Variants in NTN1 observed in about 807,000 individuals in gnomAD.
NTN1 encodes the protein netrin-1.
In NTN1, 11 loss-of-function variants were observed where a neutral mutation model predicts 54.2. That is an observed-to-expected ratio of 0.20 (90% CI 0.13 to 0.34). The LOEUF is 0.34. Among genes scored for constraint, NTN1 ranks in the 10% least tolerant of loss-of-function variants. The pLI is 1.00. For missense variants in NTN1, 740 were observed against 893.1 expected (o/e 0.83, Z 2.18); for synonymous variants, 371 against 382.0 (o/e 0.97, Z 0.33).
At chr17:9,078,880 C>T (rs1395035886) in intron 2 of NTN1, among the ~76,000 whole-genome samples, 1 of 152,246 alleles carries the variant, frequency 6.6e-6, no homozygotes, top group Admixed American at 6.5e-5. Context: ...CAGAGTTCAG[C>T]CCCCTTTCTA....
At chr17:9,075,343 A>G (rs543170907) in intron 2 of NTN1, among the ~76,000 whole-genome samples, 231 of 152,160 alleles carry the variant, frequency 1.5e-3, no homozygotes, top group Middle Eastern at 3.4e-3. Flanking sequence ...TTAGCTGGGC[A>G]TGGCGGTGGG....
chr17:9,026,863 T>C (rs1474086882), intron 2 of NTN1, among the ~76,000 whole-genome samples: 1 of 152,138 alleles, frequency 6.6e-6, no homozygotes, highest in Non-Finnish European at 1.5e-5. Context: ...TGAAAACTTG[T>C]TTTGCGACTC....
At chr17:9,028,824 G>C (rs576743479) in intron 2 of NTN1, among the ~76,000 whole-genome samples, 1 of 152,060 alleles carries the variant, frequency 6.6e-6, no homozygotes, top group Non-Finnish European at 1.5e-5. Context: ...TGGCTTCTAC[G>C]GTGTCTGCAA....
intron 5 of NTN1, among the ~76,000 whole-genome samples, chr17:9,190,032 A>G (rs975220576): frequency 4.6e-5 from 7 of 152,244 alleles, no homozygotes; most frequent in Non-Finnish European, 5.9e-5. Flanking sequence ...GAAGATTGTT[A>G]GAACTAATAA....
At chr17:9,224,873 G>A (rs1320388074) in intron 6 of NTN1, among the ~76,000 whole-genome samples, 1 of 152,138 alleles carries the variant, frequency 6.6e-6, no homozygotes, top group African/African-American at 2.4e-5. Flanking sequence ...TAGCTTTCAT[G>A]TCCTCCTCAC....
At chr17:9,074,172 G>A (rs934566188) in intron 2 of NTN1, among the ~76,000 whole-genome samples, 2 of 152,216 alleles carry the variant, frequency 1.3e-5, no homozygotes, top group Admixed American at 1.3e-4. Context: ...CGGCTCTCGC[G>A]AACCAGTGCG....
intron 6 of NTN1, among the ~76,000 whole-genome samples, chr17:9,231,073 G>A (rs73973330): frequency 0.019 from 2,916 of 152,242 alleles, 107 homozygotes; most frequent in African/African-American, 0.065. Context: ...CTGTGTCTCC[G>A]TGACCACAGA....
intron 2 of NTN1, among the ~76,000 whole-genome samples, chr17:9,047,244 AACTC>A (rs1368426987): frequency 6.6e-6 from 1 of 152,170 alleles, no homozygotes; most frequent in Non-Finnish European, 1.5e-5. Flanking sequence ...TTGCCACATC[AACTC>A]ACTCTTCCTT....
intron 5 of NTN1, among the ~76,000 whole-genome samples, chr17:9,190,430 AT>A (rs911812237): frequency 2.0e-5 from 3 of 152,210 alleles, no homozygotes; most frequent in Admixed American, 6.5e-5. Context: ...ATTGCCAATA[AT>A]TTTTTTAAAA....
intron 6 of NTN1, among the ~76,000 whole-genome samples, chr17:9,228,851 T>A (rs1221426151): frequency 3.8e-5 from 4 of 104,704 alleles, no homozygotes; most frequent in Non-Finnish European, 5.6e-5. Context: ...TGTGTGTGTG[T>A]GACTGTGTAT....
intron 2 of NTN1, among the ~76,000 whole-genome samples, chr17:9,026,856 A>G (rs2091872908): frequency 6.6e-6 from 1 of 152,082 alleles, no homozygotes; most frequent in Non-Finnish European, 1.5e-5. Flanking sequence ...GAGCTTATGA[A>G]AACTTGTTTT....
intron 3 of NTN1, among the ~76,000 whole-genome samples, chr17:9,169,482 A>C (rs11655052): frequency 0.15 from 22,303 of 152,106 alleles, 1,926 homozygotes; most frequent in East Asian, 0.33. Context: ...TTCCCTGGAC[A>C]CCCTTGGCCC....
At chr17:9,107,879 T>C (rs2092173073) in intron 2 of NTN1, among the ~76,000 whole-genome samples, 2 of 152,356 alleles carry the variant, frequency 1.3e-5, no homozygotes, top group Middle Eastern at 3.4e-3. Context: ...CCTGGCCTGA[T>C]ACCTTTTTGG....
chr17:9,105,233 C>T (rs9912864), intron 2 of NTN1, among the ~76,000 whole-genome samples: 26,088 of 152,200 alleles, frequency 0.17, 2,823 homozygotes, highest in Non-Finnish European at 0.24. Flanking sequence ...AGGGCCAGCC[C>T]CCTTGGGTCA....
intron 5 of NTN1, among the ~76,000 whole-genome samples, chr17:9,216,964 C>G (rs983396412): frequency 6.6e-6 from 1 of 151,994 alleles, no homozygotes; most frequent in African/African-American, 2.4e-5. Flanking sequence ...ATCGCTTGAA[C>G]CCAGGAAGCG....
chr17:9,242,405 C>A lies in NTN1; in HGVS notation c.*2437C>A, dbSNP rs1440115161. 5 of 152,292 alleles carry A rather than the reference C, an allele frequency of 3.3e-5. No homozygotes were observed. The highest frequency in any genetic ancestry group is 3.3e-4 in the Admixed American group (5 of 15,292). The allele number at this position is 152,292 out of a possible 1,614,324, so 9.4% of individuals were successfully genotyped here. A position where few individuals can be genotyped will look rare whatever the true frequency, so the allele number is the denominator to read the frequency against. On this transcript the variant is annotated 3_prime_UTR_variant, in exon 7 of 7. Transcript: ENST00000173229. Reference sequence around the variant, plus strand: ...GGCACTACGCTGCTGGGGCGGTTGTCCTATTTCTGTCTATGCCAGTGTGGT... The same window carrying A: ...GGCACTACGCTGCTGGGGCGGTTGTACTATTTCTGTCTATGCCAGTGTGGT...
At chr17:9,196,978 A>G (rs1356716014) in intron 5 of NTN1, among the ~76,000 whole-genome samples, 1 of 152,056 alleles carries the variant, frequency 6.6e-6, no homozygotes, top group African/African-American at 2.4e-5. Flanking sequence ...GGAGTTTGAA[A>G]TTGGCCATGG....
At chr17:9,094,273 G>T (rs1416079095) in intron 2 of NTN1, among the ~76,000 whole-genome samples, 1 of 152,240 alleles carries the variant, frequency 6.6e-6, no homozygotes, top group East Asian at 1.9e-4. Context: ...TCACTGTAGG[G>T]TCTGAAGGTT....
At chr17:9,204,570 C>T (rs1207375436) in intron 5 of NTN1, among the ~76,000 whole-genome samples, 3 of 152,250 alleles carry the variant, frequency 2.0e-5, no homozygotes, top group Admixed American at 1.3e-4. Context: ...GTCGGGATTA[C>T]AGGCGTGAGC....
Sources: allele counts gnomAD v4.1 joint callset (sites outside exome capture counted in the v4.1 genomes callset), GRCh38; gene constraint gnomAD v4.1.1; transcripts MANE v1.5; gene names NCBI Gene and HGNC (gene_info 2026-07-23, HGNC 2026-07-21).